Variants in CERS3 observed in about 807,000 individuals in gnomAD.
The protein encoded by CERS3 is ceramide synthase 3, also known as LAG1 homolog, ceramide synthase 3.
Under a neutral mutation model 50.3 loss-of-function variants are expected in CERS3, and 33 were observed. That is an observed-to-expected ratio of 0.66 (90% confidence interval 0.50 to 0.88). The LOEUF (loss-of-function observed/expected upper bound fraction) is 0.88, where lower values mean the gene tolerates loss of function less well. Among genes scored for constraint, CERS3 ranks in the 40% least tolerant of loss-of-function variants. CERS3 has a pLI of 0.00. For synonymous variants in CERS3, 176 were observed against 155.2 expected, an observed-to-expected ratio of 1.13 and a Z score of -0.99; for missense variants, 470 against 460.3, an observed-to-expected ratio of 1.02 and a Z score of -0.19.
chr15:100,417,550 C>T (rs951156667), intron 11 of CERS3, among the ~76,000 whole-genome samples: 7 of 152,030 alleles, frequency 4.6e-5, no homozygotes, highest in South Asian at 2.1e-4. Flanking sequence ...ATAAAGCAGC[C>T]TGGAAGCTCG....
At chr15:100,501,240 A>C (rs1249667457) in intron 3 of CERS3, among the ~76,000 whole-genome samples, 1 of 152,218 alleles carries the variant, frequency 6.6e-6, no homozygotes, top group East Asian at 1.9e-4. Flanking sequence ...TTTGGTTTAG[A>C]CTTTAATGAG....
rs112102207 is a variant in CERS3 at position 100,534,331 on chromosome 15, C to A, written c.-354-5256G>T. Reference sequence around the variant, plus strand: ...TCTCAGTCCTCAGGTTTCTCAACTGCAAAATGAGGAAAATAATAGTGATAC... The same window carrying A: ...TCTCAGTCCTCAGGTTTCTCAACTGAAAAATGAGGAAAATAATAGTGATAC... On this transcript the variant is annotated intron_variant, in intron 1 of 12. Transcript: ENST00000284382. Among the ~76,000 whole-genome samples the A allele has an allele frequency of 6.4e-3, 971 of 152,116 alleles. 8 individuals are homozygous for A. Among genetic ancestry groups the A allele is most frequent in the Middle Eastern group, 0.014 (4 of 294 alleles).
At chr15:100,466,362 T>C (rs1025699116) in intron 10 of CERS3, among the ~76,000 whole-genome samples, 17 of 152,104 alleles carry the variant, frequency 1.1e-4, no homozygotes, top group African/African-American at 4.1e-4. Context: ...TCTCAGAGAG[T>C]TCCCTGGACC....
intron 1 of CERS3, among the ~76,000 whole-genome samples, chr15:100,543,809 C>A (rs1197687732): frequency 6.6e-6 from 1 of 152,176 alleles, no homozygotes; most frequent in Non-Finnish European, 1.5e-5. Flanking sequence ...GGATTACAGG[C>A]GTGTGCCACC....
At chr15:100,486,607 A>C (rs938824075) in intron 4 of CERS3, among the ~76,000 whole-genome samples, 15 of 152,120 alleles carry the variant, frequency 9.9e-5, no homozygotes, top group African/African-American at 3.6e-4. Context: ...ACACGAACAG[A>C]CCCCCAACAT....
chr15:100,467,848 TATATAGATAG>T (rs1328755462), intron 10 of CERS3, among the ~76,000 whole-genome samples: 2 of 81,002 alleles, frequency 2.5e-5, no homozygotes, highest in African/African-American at 9.2e-5. Context: ...TATATATATA[TATATAGATAG>T]ATAGATAGAT....
At chr15:100,501,884 A>C in intron 2 of CERS3, 34 bp from the exon 3 acceptor site, 1 of 1,601,776 alleles carries the variant, frequency 6.2e-7, no homozygotes, top group Admixed American at 1.7e-5. Flanking sequence ...AGGCTTGTAA[A>C]ACAAACACGT....
intron 2 of CERS3, among the ~76,000 whole-genome samples, chr15:100,516,061 T>G (rs778078089): frequency 6.6e-6 from 1 of 152,176 alleles, no homozygotes; most frequent in Non-Finnish European, 1.5e-5. Flanking sequence ...GTTAGTCACC[T>G]GGTTCTGTCT....
rs145027904 is a variant in CERS3 at position 100,412,734 on chromosome 15, A to G, written c.1000-9869T>C. Reference sequence around the variant, plus strand: ...ATACTCTCCCAACTAACCAGTGTAAAATAGAATATGTTCTATTTTTCACTA... The same window carrying G: ...ATACTCTCCCAACTAACCAGTGTAAGATAGAATATGTTCTATTTTTCACTA... On this transcript the variant is annotated intron_variant, in intron 11 of 11. Transcript: ENST00000679737. Among the ~76,000 whole-genome samples, 11 of 152,310 alleles carry G rather than the reference A, an allele frequency of 7.2e-5. No homozygotes were observed. In the East Asian group the frequency reaches 2.1e-3, roughly 29 times the overall value.
intron 8 of CERS3, 72 bp downstream of exon 8, chr15:100,476,006 CTTAAAGAT>C: frequency 1.1e-6 from 1 of 887,808 alleles, no homozygotes; most frequent in Non-Finnish European, 1.7e-6. Context: ...AAAAATACAA[CTTAAAGAT>C]TAGAATTTGG....
intron 11 of CERS3, among the ~76,000 whole-genome samples, chr15:100,440,598 A>G (rs2033634857): frequency 6.6e-6 from 1 of 152,138 alleles, no homozygotes; most frequent in South Asian, 2.1e-4. Flanking sequence ...CTTCACACGG[A>G]CGTGCGTGAA....
At chr15:100,437,268 A>T (rs887220045) in intron 11 of CERS3, among the ~76,000 whole-genome samples, 7 of 152,064 alleles carry the variant, frequency 4.6e-5, no homozygotes, top group Non-Finnish European at 1.0e-4. Context: ...TTTCTAACAT[A>T]CTTTATTTCA....
intron 2 of CERS3, among the ~76,000 whole-genome samples, chr15:100,506,461 A>ATCCC (rs1555533151): frequency 3.3e-5 from 1 of 30,410 alleles, no homozygotes; most frequent in African/African-American, 9.7e-5. Context: ...AGAAATCGGG[A>ATCCC]CCCCCCCGCC....
chr15:100,444,940 G>A (rs115523838), intron 11 of CERS3, among the ~76,000 whole-genome samples: 12,916 of 151,932 alleles, frequency 0.085, 757 homozygotes, highest in African/African-American at 0.16. Flanking sequence ...TCAGCCAAGC[G>A]TTTTTTCAGG....
At chr15:100,515,238 C>T (rs976522896) in intron 2 of CERS3, among the ~76,000 whole-genome samples, 2 of 152,196 alleles carry the variant, frequency 1.3e-5, no homozygotes, top group Non-Finnish European at 2.9e-5. Context: ...TTATCACAGC[C>T]ATTTTACTCA....
chr15:100,509,940 TA>T (rs1424506301), intron 2 of CERS3, among the ~76,000 whole-genome samples: 1 of 151,424 alleles, frequency 6.6e-6, no homozygotes, highest in Non-Finnish European at 1.5e-5. Flanking sequence ...AAACAATTCT[TA>T]AAATTTGGTT....
chr15:100,490,792 C>T (rs761703350), intron 4 of CERS3, 25 bp downstream of exon 4: 61 of 1,429,354 alleles, frequency 4.3e-5, no homozygotes, highest in Non-Finnish European at 5.4e-5. Flanking sequence ...ATTTTTAAGT[C>T]GAAAAGCAAA....
intron 5 of CERS3, 24 bp downstream of exon 5, chr15:100,484,526 T>C: frequency 2.7e-6 from 4 of 1,502,252 alleles, no homozygotes; most frequent in Non-Finnish European, 3.7e-6. Flanking sequence ...GCAGCATTCC[T>C]AAAGCTTGGC....
chr15:100,479,425 T>C lies in CERS3; in HGVS notation c.516+3A>G, dbSNP rs771210044. 7.5e-6 allele frequency: 12 copies of C among 1,600,816 alleles called. No individual in the cohort carries two copies. Among genetic ancestry groups the C allele is most frequent in the Admixed American group, 5.2e-5 (3 of 58,210 alleles). On this transcript the variant is annotated splice_donor_region_variant and intron_variant, in intron 7 of 11. Coordinates refer to ENST00000679737, the MANE Select transcript of CERS3 (RefSeq NM_001378789.1). Reference sequence around the variant, plus strand: ...GGGGAGGAATATGTTATAGTGGACTTACCTGTTTGGGATAGCCATTCCAAA... The same window carrying C: ...GGGGAGGAATATGTTATAGTGGACTCACCTGTTTGGGATAGCCATTCCAAA...
Sources: allele counts gnomAD v4.1 joint callset (sites outside exome capture counted in the v4.1 genomes callset), GRCh38; gene constraint gnomAD v4.1.1; transcripts MANE v1.5; gene names NCBI Gene and HGNC (gene_info 2026-07-23, HGNC 2026-07-21).